The following SLC23A2 variants were observed in gnomAD, a reference collection of about 807,000 sequenced individuals.
The protein encoded by SLC23A2 is solute carrier family 23 member 2.
SLC23A2 carries 36 observed loss-of-function variants against 73.3 expected under a neutral mutation model. The observed-to-expected ratio is 0.49, with a 90% confidence interval of 0.38 to 0.65. SLC23A2 has a LOEUF of 0.65. Ranked by LOEUF, SLC23A2 falls within the 30% of genes least tolerant of loss-of-function variation. The pLI, the probability that SLC23A2 is intolerant of heterozygous loss-of-function variation, is 0.00. For missense variants in SLC23A2, 507 were observed against 841.6 expected (o/e 0.60, Z 4.92); for synonymous variants, 343 against 327.3 (o/e 1.05, Z -0.52).
At chr20:4,983,472 C>T (rs6053011) in intron 1 of SLC23A2, among the ~76,000 whole-genome samples, 110,138 of 150,044 alleles carry the variant, frequency 0.73, 40,812 homozygotes, top group African/African-American at 0.88. Flanking sequence ...CGGTGAAACC[C>T]CGTCTCTACT....
chr20:4,926,977 G>A (rs1032635000), intron 3 of SLC23A2, among the ~76,000 whole-genome samples: 1 of 151,852 alleles, frequency 6.6e-6, no homozygotes, highest in Admixed American at 6.6e-5. Flanking sequence ...GCCCAACCAC[G>A]CTGCACTCCA....
chr20:4,857,300 AC>A lies in SLC23A2; in HGVS notation c.1721-97del. 6.9e-6 allele frequency: 3 copies of A among 433,222 alleles called. No homozygotes were observed. Among genetic ancestry groups the A allele is most frequent in the Non-Finnish European group, 4.0e-6 (1 of 248,912 alleles). The allele number at this position is 433,222 out of a possible 1,614,324, so 26.8% of individuals were successfully genotyped here. On this transcript the variant is annotated intron_variant, in intron 16 of 16. Transcript: ENST00000338244. This position sits in a 1 kb window ranked among gnomAD's most constrained non-coding sequence, Gnocchi z 4.0. ...CAAACACATACACACACACACACAC[AC>A]ACACACACACACACACACACACACA...
intron 3 of SLC23A2, among the ~76,000 whole-genome samples, chr20:4,923,342 T>C (rs934921573): frequency 6.6e-6 from 1 of 152,152 alleles, no homozygotes; most frequent in African/African-American, 2.4e-5. Context: ...CCCATCGTTT[T>C]GATGTTTTCA....
At position 4,860,087 on chromosome 20, in the gene SLC23A2, T is replaced by C. The variant is rs565481165; in HGVS notation, c.1625-703A>G. On this transcript the variant is annotated intron_variant, in intron 15 of 16. Transcript: ENST00000338244. The stretch of plus-strand genomic sequence containing the variant: ...TGGCAGTTCCTCAAAAGGTTAAAAA[T>C]AGAATTACCACATGACCCAATTATT... Among the ~76,000 whole-genome samples, 7 of 152,286 alleles carry C rather than the reference T, an allele frequency of 4.6e-5. No individual in the cohort carries two copies. The South Asian group carries it at 1.5e-3, about 32-fold the overall frequency.
intron 1 of SLC23A2, among the ~76,000 whole-genome samples, chr20:4,985,543 G>T (rs1457184925): frequency 1.3e-5 from 2 of 151,972 alleles, no homozygotes; most frequent in Non-Finnish European, 2.9e-5. Flanking sequence ...CACCACTCGG[G>T]TTCAAGCAAT....
chr20:4,986,376 C>T (rs1389161724), intron 1 of SLC23A2, among the ~76,000 whole-genome samples: 1 of 152,070 alleles, frequency 6.6e-6, no homozygotes, highest in East Asian at 1.9e-4. Flanking sequence ...TGCAGTGGCA[C>T]GATCTCGGCT....
At chr20:4,877,392 CTG>C (rs916838116) in intron 9 of SLC23A2, among the ~76,000 whole-genome samples, 1 of 152,138 alleles carries the variant, frequency 6.6e-6, no homozygotes, top group African/African-American at 2.4e-5. Context: ...TTACTAAACA[CTG>C]TGCAGCTTTA....
At chr20:4,870,111 C>A (rs1008949656) in intron 11 of SLC23A2, 58 bp from the exon 12 acceptor site, 13 of 1,432,068 alleles carry the variant, frequency 9.1e-6, no homozygotes, top group Non-Finnish European at 1.2e-5. Context: ...GTGACCAGGA[C>A]CAGTTACCCA....
rs6076753 is a variant in SLC23A2 at position 4,899,258 on chromosome 20, G to C, written c.482+297C>G. Among the ~76,000 whole-genome samples the C allele has an allele frequency of 6.6e-6, 1 of 152,178 alleles. No individual in the cohort carries two copies. Among genetic ancestry groups the C allele is most frequent in the Non-Finnish European group, 1.5e-5 (1 of 68,018 alleles). On this transcript the variant is annotated intron_variant, in intron 6 of 16. Transcript: ENST00000338244. This position sits in a 1 kb window ranked among gnomAD's most constrained non-coding sequence, Gnocchi z 4.9. ...CACTCTGGTCTGAACGTAAGGAATA[G>C]GGGCACAGAGGGGTGCTGGGGAGCG...
intron 1 of SLC23A2, among the ~76,000 whole-genome samples, chr20:4,980,901 G>A (rs915614989): frequency 2.6e-5 from 4 of 152,218 alleles, no homozygotes; most frequent in Non-Finnish European, 4.4e-5. Context: ...TTATGTATAC[G>A]CGTTCCACCA....
chr20:4,940,678 C>G (rs991021752), intron 2 of SLC23A2, among the ~76,000 whole-genome samples: 2 of 152,084 alleles, frequency 1.3e-5, no homozygotes, highest in Admixed American at 6.5e-5. Context: ...TTTAACTTGC[C>G]TTTTTACATA....
chr20:4,912,741 C>A (rs539529816), intron 4 of SLC23A2, 139 bp downstream of exon 4: 3 of 637,768 alleles, frequency 4.7e-6, no homozygotes, highest in Non-Finnish European at 8.5e-6. Flanking sequence ...GAAGAGAACA[C>A]AGCCCCTTGG....
At chr20:4,974,693 T>C (rs1381815356) in intron 1 of SLC23A2, among the ~76,000 whole-genome samples, 1 of 152,212 alleles carries the variant, frequency 6.6e-6, no homozygotes, top group African/African-American at 2.4e-5. Context: ...TCCCAATGTT[T>C]GTATTTTTTT....
At chr20:4,927,349 A>C (rs1442457972) in intron 3 of SLC23A2, among the ~76,000 whole-genome samples, 1 of 152,256 alleles carries the variant, frequency 6.6e-6, no homozygotes, top group African/African-American at 2.4e-5. Context: ...AGCATGCAGC[A>C]ATGTCCTGGC....
chr20:4,892,104 G>C (rs1213512609), intron 6 of SLC23A2, among the ~76,000 whole-genome samples: 4 of 151,934 alleles, frequency 2.6e-5, no homozygotes, highest in Admixed American at 2.0e-4. Flanking sequence ...GGCTTGGAGA[G>C]AGCTTGTCCA....
At chr20:4,937,172 C>G (rs1280166749) in intron 2 of SLC23A2, among the ~76,000 whole-genome samples, 1 of 151,942 alleles carries the variant, frequency 6.6e-6, no homozygotes, top group East Asian at 1.9e-4. Context: ...ACAGGATGAG[C>G]GTGGTGTGTA....
Position 4,868,745 on chromosome 20 carries a change from C to T in SLC23A2, c.1251-870G>A, listed in dbSNP as rs1930307630. On this transcript the variant is annotated intron_variant, in intron 12 of 16. Coordinates refer to ENST00000338244, the MANE Select transcript of SLC23A2 (RefSeq NM_005116.6). This position sits in a 1 kb window ranked among gnomAD's most constrained non-coding sequence, Gnocchi z 4.4. The stretch of plus-strand genomic sequence containing the variant: ...GTCCATTAATCTCATCACACACAGT[C>T]CCTTCTGGGGTTACAGAGCTGGCTG... 6.6e-6 allele frequency among the ~76,000 whole-genome samples: 1 copy of T among 152,278 alleles called. No homozygotes were observed. The highest frequency in any genetic ancestry group is 3.4e-3 in the Middle Eastern group (1 of 294).
rs1931795135 is a variant in SLC23A2 at position 4,902,684 on chromosome 20, G to T, written c.208-126C>A. 2 of 558,612 alleles carry T rather than the reference G, an allele frequency of 3.6e-6. No individual in the cohort carries two copies. Among genetic ancestry groups the T allele is most frequent in the Non-Finnish European group, 6.4e-6 (2 of 313,100 alleles). The allele number at this position is 558,612 out of a possible 1,614,324, so 34.6% of individuals were successfully genotyped here. ...GTGGTTGCCATCTTCCTGCAGTTTT[G>T]AGCCTTGGCTATCTTTGAAGCCAAG... On this transcript the variant is annotated intron_variant, in intron 4 of 16. Transcript: ENST00000338244. The surrounding 1 kb of genome is among the most constrained non-coding windows in gnomAD (Gnocchi z 4.0).
intron 1 of SLC23A2, among the ~76,000 whole-genome samples, chr20:4,989,215 T>A (rs2087884050): frequency 7.2e-6 from 1 of 138,856 alleles, no homozygotes; most frequent in Non-Finnish European, 1.5e-5. Flanking sequence ...CCAGCCTGGG[T>A]GACAGAGCGA....
Sources: gnomAD v4.1 joint callset for allele counts (sites outside exome capture counted in the v4.1 genomes callset) on GRCh38, gnomAD v4.1.1 for gene constraint, Gnocchi (gnomAD v3.1) non-coding constraint, MANE v1.5 for transcripts, NCBI Gene and HGNC (gene_info 2026-07-23, HGNC 2026-07-21) for gene names.